Variants in DGKZ observed in about 807,000 individuals in gnomAD.
DGKZ encodes the protein diacylglycerol kinase zeta, also known as DAG kinase zeta.
In DGKZ, 45 loss-of-function variants were observed where a neutral mutation model predicts 142.5. The ratio of observed to expected loss-of-function variants is 0.32; its 90% CI spans 0.25 to 0.40. DGKZ has a LOEUF of 0.40. Among genes scored for constraint, DGKZ ranks in the 10% least tolerant of loss-of-function variants. The pLI, the probability that DGKZ is intolerant of heterozygous loss-of-function variation, is 1.00. For missense variants in DGKZ, 755 were observed against 1,306.5 expected, an observed-to-expected ratio of 0.58 and a Z score of 6.51; for synonymous variants, 442 against 527.0, an observed-to-expected ratio of 0.84 and a Z score of 2.21.
intron 20 of DGKZ, 76 bp downstream of exon 20, chr11:46,375,707 G>A: frequency 6.6e-7 from 1 of 1,510,206 alleles, no homozygotes; most frequent in South Asian, 1.2e-5. Flanking sequence ...TTCCCCATCT[G>A]TAAAAGGGGC....
rs768949737 is a variant in DGKZ at position 46,375,650 on chromosome 11, C to T, written c.1910+19C>T. On this transcript the variant is annotated intron_variant, in intron 20 of 30. Coordinates refer to ENST00000527911, the Ensembl canonical transcript of DGKZ. ...ACAGCGAGTACGTCCCACCCTGCCA[C>T]GTGCCCTGGGTGCCAAGGCCAGACC... The T allele has an allele frequency of 1.8e-5, 28 of 1,540,886 alleles. No homozygotes were observed. Among genetic ancestry groups the T allele is most frequent in the South Asian group, 8.3e-5 (7 of 84,540 alleles).
chr11:46,333,617 ATC>A (rs953245478), intron 1 of DGKZ: 1 of 843,752 alleles, frequency 1.2e-6, no homozygotes, highest in Non-Finnish European at 1.9e-6. Flanking sequence ...CTGCCGAGGG[ATC>A]TCTGTCTTTT....
intron 1 of DGKZ, chr11:46,333,639 C>A (rs1389799217): frequency 2.7e-6 from 2 of 737,556 alleles, no homozygotes; most frequent in Non-Finnish European, 4.4e-6. Flanking sequence ...TCGTGTACAG[C>A]GGGAAGGAGG....
chr11:46,374,485 C>T lies in DGKZ; in HGVS notation c.1461+31C>T, dbSNP rs781161750. On this transcript the variant is annotated intron_variant, in intron 16 of 30. Transcript: ENST00000527911. ...TGGGGTCTGCACCCCCGCCTGTGCC[C>T]ACCTCTTCTACCACCCGTGCCCGTG... 4 of 1,613,788 alleles carry T rather than the reference C, an allele frequency of 2.5e-6. No individual in the cohort carries two copies. The East Asian group carries it at 8.9e-5, about 36-fold the overall frequency.
intron 1 of DGKZ, among the ~76,000 whole-genome samples, chr11:46,363,887 G>A (rs1229562712): frequency 1.3e-5 from 2 of 152,164 alleles, no homozygotes; most frequent in Non-Finnish European, 2.9e-5. Flanking sequence ...GCCCCAGGTC[G>A]GGAAGACCCG....
chr11:46,376,767 G>A, intron 24 of DGKZ: 1 of 749,926 alleles, frequency 1.3e-6, no homozygotes, highest in South Asian at 1.8e-5. Flanking sequence ...CAGCCAGAAA[G>A]GCAGTGGGGT....
At chr11:46,368,031 A>C in exon 4 of DGKZ, 2 of 1,613,998 alleles carry the variant, frequency 1.2e-6, no homozygotes, top group Non-Finnish European at 1.7e-6. Context: ...GAAAGTGCGC[A>C]GCCTGCAAGA....
rs137969639 is a variant in DGKZ at position 46,377,230 on chromosome 11, G to T, written c.2342+18G>T. 4.5e-6 allele frequency: 7 copies of T among 1,570,058 alleles called. No homozygotes were observed. Among genetic ancestry groups the T allele is most frequent in the South Asian group, 1.2e-5 (1 of 83,366 alleles). ...ACGCCCCGGTGAGTCCTGGTGTCCC[G>T]TCCCTCCAGCCCCTGGCTTTCAGCC... On this transcript the variant is annotated intron_variant, in intron 25 of 30. Transcript: ENST00000527911.
chr11:46,371,743 T>C (rs1334211063), exon 9 of DGKZ: 3 of 1,613,736 alleles, frequency 1.9e-6, no homozygotes. Flanking sequence ...GAGGGCATCC[T>C]TCAAGAGGAA....
intron 1 of DGKZ, among the ~76,000 whole-genome samples, chr11:46,355,999 G>A (rs1047959752): frequency 1.2e-4 from 18 of 152,210 alleles, no homozygotes; most frequent in Admixed American, 1.3e-4. Context: ...GCCCGCCTCA[G>A]CCTCCCAAAG....
intron 1 of DGKZ, among the ~76,000 whole-genome samples, chr11:46,335,117 C>T (rs1357327803): frequency 6.6e-6 from 1 of 152,062 alleles, no homozygotes; most frequent in African/African-American, 2.4e-5. Context: ...AGTTCAAGAC[C>T]AGCCTGGCCA....
intron 1 of DGKZ, chr11:46,365,178 G>T (rs1943105699): frequency 6.1e-6 from 6 of 985,426 alleles, no homozygotes; most frequent in Non-Finnish European, 7.2e-6. Flanking sequence ...CTAGGATGAT[G>T]CCCACAGCTC....
intron 25 of DGKZ, 159 bp from the exon 26 acceptor site, chr11:46,378,039 C>A: frequency 1.1e-6 from 1 of 874,874 alleles, no homozygotes; most frequent in Non-Finnish European, 1.8e-6. Context: ...TCCTCTGTCT[C>A]GTTTCCCTGC....
exon 20 of DGKZ, chr11:46,375,577 A>C (rs1282438849): frequency 6.3e-7 from 1 of 1,591,366 alleles, no homozygotes; most frequent in Non-Finnish European, 8.5e-7. Context: ...CTGCGCAACC[A>C]GGCCACCATG....
In DGKZ at chr11:46,372,583, C is replaced by A; in HGVS notation, c.1011-34C>A. The A allele has an allele frequency of 6.2e-7, 1 of 1,613,818 alleles. No individual in the cohort carries two copies. Among genetic ancestry groups the A allele is most frequent in the East Asian group, 2.2e-5 (1 of 44,870 alleles). On this transcript the variant is annotated intron_variant, in intron 11 of 30. Transcript: ENST00000527911. The surrounding 1 kb of genome is among the most constrained non-coding windows in gnomAD (Gnocchi z 5.9). Reference sequence around the variant, plus strand: ...TCACTCCTGGGGTACAGCACACATCCCCTGACCCCACTGCCATCTTCCCAT... The same window carrying A: ...TCACTCCTGGGGTACAGCACACATCACCTGACCCCACTGCCATCTTCCCAT...
intron 1 of DGKZ, chr11:46,366,517 C>T: frequency 6.3e-7 from 1 of 1,592,330 alleles, no homozygotes; most frequent in East Asian, 2.3e-5. Flanking sequence ...CCCGCTTCAT[C>T]GTGGATAAGG....
chr11:46,378,798 C>T, intron 27 of DGKZ, 193 bp from the exon 28 acceptor site: 1 of 1,012,110 alleles, frequency 9.9e-7, no homozygotes. Context: ...CCAGAGAGCC[C>T]ACAGGCTGTG....
rs139423269 is a variant in DGKZ, at chr11:46,362,938, G to A, written c.162-4353G>A. 1.5e-3 allele frequency among the ~76,000 whole-genome samples: 229 copies of A among 152,326 alleles called. 1 individual carries two copies. The highest frequency in any genetic ancestry group is 6.2e-3 in the East Asian group (32 of 5,184). The stretch of plus-strand genomic sequence containing the variant: ...CCTGTCCTTGTCAGGCCCCAGAGCC[G>A]GCCAAGGGTTGATGGGGTCCCCTGA... On this transcript the variant is annotated intron_variant, in intron 1 of 30. Transcript: ENST00000527911.
At chr11:46,380,131 C>G in exon 31 of DGKZ, 1 of 617,168 alleles carries the variant, frequency 1.6e-6, no homozygotes, top group Admixed American at 3.2e-5. Context: ...GGGGGGGCCT[C>G]ACCTGTTCCC....
Sources: allele counts gnomAD v4.1 joint callset (sites outside exome capture counted in the v4.1 genomes callset), GRCh38; gene constraint gnomAD v4.1.1; non-coding constraint Gnocchi (gnomAD v3.1); transcripts MANE v1.5; gene names NCBI Gene and HGNC (gene_info 2026-07-23, HGNC 2026-07-21).